The following LMOD1 variants were observed in gnomAD, a reference collection of about 807,000 sequenced individuals.
LMOD1 encodes the protein leiomodin-1.
Under a neutral mutation model 36.5 loss-of-function variants are expected in LMOD1, and 8 were observed. That is an observed-to-expected ratio of 0.22 (90% CI 0.13 to 0.40). LMOD1 has a LOEUF of 0.40. Among genes scored for constraint, LMOD1 ranks in the 10% least tolerant of loss-of-function variants. LMOD1 has a pLI of 1.00. For synonymous variants in LMOD1, 284 were observed against 288.7 expected (o/e 0.98, Z 0.17); for missense variants, 630 against 751.1 (o/e 0.84, Z 1.88).
chr1:201,923,167 G>A (rs1266938585), intron 1 of LMOD1, among the ~76,000 whole-genome samples: 1 of 152,076 alleles, frequency 6.6e-6, no homozygotes, highest in Non-Finnish European at 1.5e-5. Context: ...CTCCCAGAGG[G>A]CAGCGCTGGA....
chr1:201,916,718 C>G (rs953558736), intron 1 of LMOD1, among the ~76,000 whole-genome samples: 2 of 152,128 alleles, frequency 1.3e-5, no homozygotes, highest in Admixed American at 1.3e-4. Flanking sequence ...TGTGCTCAGT[C>G]TTCAGCCCGG....
At chr1:201,941,514 G>T (rs909801312) in intron 1 of LMOD1, among the ~76,000 whole-genome samples, 13 of 152,172 alleles carry the variant, frequency 8.5e-5, no homozygotes, top group African/African-American at 1.7e-4. Flanking sequence ...GCTATTTTGG[G>T]TGTGTACCAG....
rs772150164 is a variant in LMOD1, at chr1:201,899,444, G to A, written c.1569C>T (p.Asn523=). 10 of 1,613,912 alleles carry A rather than the reference G, an allele frequency of 6.2e-6. No individual in the cohort carries two copies. Among genetic ancestry groups the A allele is most frequent in the East Asian group, 2.2e-5 (1 of 44,862 alleles). Residue 523 remains asparagine, a synonymous_variant, in exon 2 of 3, where the codon AAC becomes AAT. Coordinates refer to ENST00000367288, the MANE Select transcript of LMOD1 (RefSeq NM_012134.3). The surrounding 1 kb of genome is among the most constrained non-coding windows in gnomAD (Gnocchi z 6.3). ...CTGGAGCACCCCCTTTTTTGGGTGA[G>A]TTCTTTGGAGAGGGCTTTGGAGATG... The part of the protein sequence containing the change: ...PQPSPKPSPK[N]SPKKGGAPAA...
intron 1 of LMOD1, among the ~76,000 whole-genome samples, chr1:201,941,745 C>T (rs1486802954): frequency 6.6e-6 from 1 of 152,162 alleles, no homozygotes; most frequent in Non-Finnish European, 1.5e-5. Context: ...GGGCTCAGGC[C>T]CAGCAGCCGC....
chr1:201,924,069 C>A (rs1294151424), intron 1 of LMOD1, among the ~76,000 whole-genome samples: 3 of 151,682 alleles, frequency 2.0e-5, no homozygotes, highest in Non-Finnish European at 4.4e-5. Context: ...GTAATCCCAG[C>A]ACTTTGGGAG....
intron 1 of LMOD1, among the ~76,000 whole-genome samples, chr1:201,915,198 G>C (rs1025191290): frequency 9.2e-5 from 14 of 152,068 alleles, no homozygotes; most frequent in Non-Finnish European, 1.6e-4. Flanking sequence ...TTTCCTCCTA[G>C]CTCTCTGATA....
At position 201,946,316 on chromosome 1, in the gene LMOD1, G is replaced by T. The variant is rs993929335; in HGVS notation, c.25C>A (p.Arg9=). MSRVAKYR[R]QVSEDPDIDS... ...ATGTCGGGGTCTTCACTCACCTGCC[G>T]GCGATATTTGGCTACTCTAGACATC... The change falls in exon 1 of 3, where the codon CGG becomes AGG. Residue 9 remains arginine, a synonymous_variant. Transcript: ENST00000367288. 1 of 1,613,936 alleles carries T rather than the reference G, an allele frequency of 6.2e-7. No homozygotes were observed. Among genetic ancestry groups the T allele is most frequent in the East Asian group, 2.2e-5 (1 of 44,886 alleles).
intron 1 of LMOD1, among the ~76,000 whole-genome samples, chr1:201,921,973 A>G (rs1023631886): frequency 2.6e-5 from 4 of 152,180 alleles, no homozygotes; most frequent in Non-Finnish European, 5.9e-5. Flanking sequence ...AAAAAAAAGA[A>G]AAAGAAAATC....
chr1:201,912,397 C>T (rs926951655), intron 1 of LMOD1, among the ~76,000 whole-genome samples: 2 of 152,002 alleles, frequency 1.3e-5, no homozygotes, highest in Non-Finnish European at 2.9e-5. Flanking sequence ...TCCCCCACAG[C>T]TCCCTTCACT....
At position 201,898,393 on chromosome 1, in the gene LMOD1, T is replaced by A; in HGVS notation, c.1782A>T (p.Glu594Asp). 1 of 1,612,858 alleles carries A rather than the reference T, an allele frequency of 6.2e-7. No homozygotes were observed. Among genetic ancestry groups the A allele is most frequent in the South Asian group, 1.1e-5 (1 of 90,626 alleles). Reference sequence around the variant, plus strand: ...GGTCCTACTGAAGCAGTTTGGGCACTTCCACCTGTAGGGGCAAAGTAGAGA... The same window carrying A: ...GGTCCTACTGAAGCAGTTTGGGCACATCCACCTGTAGGGGCAAAGTAGAGA... Reference protein sequence around the residue: ...SSNLKQLKKVEVPKLLQ With the variant: ...SSNLKQLKKVDVPKLLQ Residue 594 changes from glutamate (E) to aspartate (D), a missense_variant, in exon 3 of 3, where the codon GAA (glutamate) becomes GAT (aspartate). Physicochemically the swap from Glu to Asp is conservative, Grantham distance 45. Transcript: ENST00000367288.
intron 1 of LMOD1, among the ~76,000 whole-genome samples, chr1:201,903,148 A>T (rs1681358500): frequency 6.6e-6 from 1 of 152,200 alleles, no homozygotes; most frequent in Non-Finnish European, 1.5e-5. Context: ...CTCTTCGCCG[A>T]GGGAATGGAA....
At chr1:201,927,309 T>G (rs1681840960) in intron 1 of LMOD1, among the ~76,000 whole-genome samples, 1 of 152,184 alleles carries the variant, frequency 6.6e-6, no homozygotes, top group African/African-American at 2.4e-5. Context: ...GGCTCACGCC[T>G]GTAATCCCGG....
chr1:201,913,463 C>T (rs545142801), intron 1 of LMOD1, among the ~76,000 whole-genome samples: 130 of 152,230 alleles, frequency 8.5e-4, no homozygotes, highest in Admixed American at 1.6e-3. Flanking sequence ...AAAAATTAGC[C>T]GGGCATGGTG....
chr1:201,932,276 G>C (rs1681936655), intron 1 of LMOD1, among the ~76,000 whole-genome samples: 1 of 152,168 alleles, frequency 6.6e-6, no homozygotes, highest in Admixed American at 6.5e-5. Flanking sequence ...AATGAGAAGA[G>C]GCCATGAAAT....
At position 201,899,624 on chromosome 1, in the gene LMOD1, G is replaced by A. The variant is rs527608389; in HGVS notation, c.1389C>T (p.Val463=). 1.9e-5 allele frequency: 31 copies of A among 1,612,858 alleles called. 1 individual carries two copies. In the South Asian group the frequency reaches 3.1e-4, roughly 16 times the overall value. ...CCATGTTGCGGCTGAGCAGATTGGT[G>A]ACAGTCATTCGGGGCCCGGCCAGCT... ...HFELAGPRMT[V]TNLLSRNMDK... is the part of the protein sequence containing the mutation. The change falls in exon 2 of 3, where the codon GTC becomes GTT. Residue 463 remains valine (V), a synonymous_variant. Transcript: ENST00000367288. The surrounding 1 kb of genome is among the most constrained non-coding windows in gnomAD (Gnocchi z 6.3).
At chr1:201,937,002 G>A (rs1052470238) in intron 1 of LMOD1, among the ~76,000 whole-genome samples, 2 of 152,128 alleles carry the variant, frequency 1.3e-5, no homozygotes, top group African/African-American at 4.8e-5. Context: ...CTACTTTGTT[G>A]GAAGTGGTCT....
At position 201,946,520 on chromosome 1, in the gene LMOD1, A is replaced by T. The variant is rs1682216081; in HGVS notation, c.-180T>A. ...TGCTGAAGTGTTCACTGGACGCAGC[A>T]GCCTCCCTGAAGCCCAGGGCTAGTG... On this transcript the variant is annotated 5_prime_UTR_variant, in exon 1 of 3. Transcript: ENST00000367288. 3 of 661,846 alleles carry T rather than the reference A, an allele frequency of 4.5e-6. No individual in the cohort carries two copies. Among genetic ancestry groups the T allele is most frequent in the South Asian group, 2.0e-5 (1 of 50,290 alleles). 41.0% of individuals were successfully genotyped at this position (661,846 alleles called of 1,614,324 possible).
rs34390949 is a variant in LMOD1, at chr1:201,940,183, C to CTTTT, written c.261+5893_261+5896dup. On this transcript the variant is annotated intron_variant, in intron 1 of 2. Transcript: ENST00000367288. ...CTTGCATTTTCCATCCAGCCAAGCT[C>CTTTT]TTTTTTTTTTTTTTTTTTTTTTGAG... Among the ~76,000 whole-genome samples, 22 of 123,414 alleles carry CTTTT rather than the reference C, an allele frequency of 1.8e-4. 1 individual carries two copies. Among genetic ancestry groups the CTTTT allele is most frequent in the Middle Eastern group, 4.8e-3 (1 of 210 alleles). 81.0% of individuals were successfully genotyped at this position (123,414 alleles called of 152,430 possible).
At position 201,898,015 on chromosome 1, in the gene LMOD1, T is replaced by G. The variant is rs1571571421; in HGVS notation, c.*357A>C. The G allele has an allele frequency of 3.9e-6, 1 of 254,644 alleles. No individual in the cohort carries two copies. Among genetic ancestry groups the G allele is most frequent in the Non-Finnish European group, 7.5e-6 (1 of 132,966 alleles). The allele number at this position is 254,644 out of a possible 1,614,324, so 15.8% of individuals were successfully genotyped here. ...GCCCTGGAGGGCAGTGGGGCTGGGG[T>G]GGATGTGGTCCCTGTGGGACATCTT... On this transcript the variant is annotated 3_prime_UTR_variant, in exon 3 of 3. Transcript: ENST00000367288.
Sources: allele counts gnomAD v4.1 joint callset (sites outside exome capture counted in the v4.1 genomes callset), GRCh38; gene constraint gnomAD v4.1.1; non-coding constraint Gnocchi (gnomAD v3.1); transcripts MANE v1.5; gene names NCBI Gene and HGNC (gene_info 2026-07-23, HGNC 2026-07-21).